SH2B1: variants seen among roughly 807,000 people sequenced by gnomAD.
SH2B1 encodes SH2B adaptor protein 1.
In SH2B1, 15 loss-of-function variants were observed where a neutral mutation model predicts 62.6. The observed-to-expected ratio is 0.24, with a 90% CI of 0.16 to 0.37. SH2B1 has a LOEUF of 0.37. Among genes scored for constraint, SH2B1 ranks in the 10% least tolerant of loss-of-function variants. SH2B1 has a pLI of 1.00. For synonymous variants in SH2B1, 443 were observed against 438.0 expected (o/e 1.01, Z -0.14); for missense variants, 925 against 1,015.6 (o/e 0.91, Z 1.21).
rs899531825 is a variant in SH2B1 at position 28,872,259 on chromosome 16, T to C, written c.1583T>C (p.Phe528Ser). The C allele has an allele frequency of 6.2e-7, 1 of 1,614,038 alleles. No individual in the cohort carries two copies. Among genetic ancestry groups the C allele is most frequent in the Non-Finnish European group, 8.5e-7 (1 of 1,179,932 alleles). ...CAGCCCCTCTCAGGGTATCCTTGGT[T>C]CCACGGGATGCTCTCTCGGCTCAAG... ...GDQPLSGYPW[F>S]HGMLSRLKAA... Residue 528 changes from phenylalanine to serine, a missense_variant, in exon 6 of 8, where the codon TTC (phenylalanine) becomes TCC (serine). Phe to Ser is a radical substitution (Grantham distance 155, BLOSUM62 -2). Coordinates refer to ENST00000684370, the MANE Select transcript of SH2B1 (RefSeq NM_001387430.1). This position sits in a 1 kb window ranked among gnomAD's most constrained non-coding sequence, Gnocchi z 5.3.
upstream of SH2B1, among the ~76,000 whole-genome samples, chr16:28,861,996 C>T (rs150962906): frequency 3.6e-3 from 553 of 152,286 alleles, 4 homozygotes; most frequent in Non-Finnish European, 5.7e-3. Flanking sequence ...GAAGGCAGAA[C>T]CAGAGATGGT....
chr16:28,865,283 A>G lies in SH2B1; in HGVS notation c.-812A>G. On this transcript the variant is annotated 5_prime_UTR_variant, in exon 1 of 8. Transcript: ENST00000684370. ...CAAAGAAGTGGGCTGTAGCTATTTC[A>G]CATCTCCTTCACGCAGTGCGTGGGT... 1 of 985,648 alleles carries G rather than the reference A, an allele frequency of 1.0e-6. No homozygotes were observed. The highest frequency in any genetic ancestry group is 1.2e-6 in the Non-Finnish European group (1 of 829,978). 61.1% of individuals were successfully genotyped at this position (985,648 alleles called of 1,614,324 possible). A position where few individuals can be genotyped will look rare whatever the true frequency, so the allele number is the denominator to read the frequency against.
At chr16:28,856,646 G>A (rs1341008493) in intron 1 of SH2B1, among the ~76,000 whole-genome samples, 1 of 152,122 alleles carries the variant, frequency 6.6e-6, no homozygotes, top group East Asian at 1.9e-4. Context: ...CCAGCGCACT[G>A]TCCTTGGTGC....
chr16:28,873,240 C>T lies in SH2B1; in HGVS notation c.1898-207C>T, dbSNP rs779652630. 5.2e-5 allele frequency: 84 copies of T among 1,607,256 alleles called. No individual in the cohort carries two copies. Among genetic ancestry groups the T allele is most frequent in the Non-Finnish European group, 6.4e-5 (76 of 1,178,564 alleles). ...GATGCCACCCCGATGCCTCCTGCAC[C>T]CTCATGCCCTTCGGAGCGAGTGACT... On this transcript the variant is annotated intron_variant, in intron 7 of 7. Coordinates refer to ENST00000684370, the MANE Select transcript of SH2B1 (RefSeq NM_001387430.1). The surrounding 1 kb of genome is among the most constrained non-coding windows in gnomAD (Gnocchi z 4.2).
rs1962574685 is a variant in SH2B1 at position 28,864,429 on chromosome 16, G to A, written c.-1666G>A. 5 of 986,784 alleles carry A rather than the reference G, an allele frequency of 5.1e-6. No homozygotes were observed. The highest frequency in any genetic ancestry group is 3.5e-5 in the African/African-American group (2 of 57,218). 61.1% of individuals were successfully genotyped at this position (986,784 alleles called of 1,614,324 possible). A position where few individuals can be genotyped will look rare whatever the true frequency, so the allele number is the denominator to read the frequency against. ...CGAGGTGGCCGCTGGCTGGAGATTG[G>A]TTTGCACTTCTTGGCTGGGTTCCCC... On this transcript the variant is annotated 5_prime_UTR_variant, in exon 1 of 8. Coordinates refer to ENST00000684370, the MANE Select transcript of SH2B1 (RefSeq NM_001387430.1).
chr16:28,852,864 T>G (rs866305903), intron 1 of SH2B1, among the ~76,000 whole-genome samples: 10 of 68,868 alleles, frequency 1.5e-4, no homozygotes, highest in East Asian at 3.3e-4. Flanking sequence ...TTATATATAT[T>G]TACATATATA....
At position 28,865,978 on chromosome 16, in the gene SH2B1, G is replaced by A; in HGVS notation, c.-117G>A. The A allele has an allele frequency of 6.7e-7, 1 of 1,489,630 alleles. No individual in the cohort carries two copies. Among genetic ancestry groups the A allele is most frequent in the Non-Finnish European group, 8.9e-7 (1 of 1,128,788 alleles). The allele number at this position is 1,489,630 out of a possible 1,614,324, so 92.3% of individuals were successfully genotyped here. On this transcript the variant is annotated 5_prime_UTR_variant, in exon 1 of 8. The change abolishes the stop of an existing upstream ORF in the 5' untranslated region. Transcript: ENST00000684370. ...CAGCCTCCGGTGCGCCCTCAGCAGTGACCCTCGTGTGTGCCTCTCTCTTCC... is the reference window on the plus strand; with the variant it reads ...CAGCCTCCGGTGCGCCCTCAGCAGTAACCCTCGTGTGTGCCTCTCTCTTCC...
Position 28,873,697 on chromosome 16 carries a change from CGCTGGGTCTGGT to C in SH2B1, c.2150_2161del (p.Ala717_Gly720del). The stretch of plus-strand genomic sequence containing the variant: ...TAGCCCCAGGCTCAGAGGCCCAGGG[CGCTGGGTCTGGT>C]GGGGACGCGGGGGTGCCCCCAATGG... On this transcript the variant is annotated inframe_deletion, in exon 8 of 8. Coordinates refer to ENST00000684370, the MANE Select transcript of SH2B1 (RefSeq NM_001387430.1). The surrounding 1 kb of genome is among the most constrained non-coding windows in gnomAD (Gnocchi z 4.2). 1 of 1,514,364 alleles carries C rather than the reference CGCTGGGTCTGGT, an allele frequency of 6.6e-7. No homozygotes were observed. Among genetic ancestry groups the C allele is most frequent in the Non-Finnish European group, 8.9e-7 (1 of 1,128,696 alleles). 93.8% of individuals were successfully genotyped at this position (1,514,364 alleles called of 1,614,324 possible).
rs1178693957 is a variant in SH2B1, at chr16:28,865,939, C to A, written c.-156C>A. 1 of 1,421,908 alleles carries A rather than the reference C, an allele frequency of 7.0e-7. No individual in the cohort carries two copies. The highest frequency in any genetic ancestry group is 9.1e-7 in the Non-Finnish European group (1 of 1,093,244). The allele number at this position is 1,421,908 out of a possible 1,614,324, so 88.1% of individuals were successfully genotyped here. A position where few individuals can be genotyped will look rare whatever the true frequency, so the allele number is the denominator to read the frequency against. ...CTGAAGTAGGGTCGGACGTCTCTGG[C>A]TGGGGGTGGGATGCAGCCTCCGGTG... On this transcript the variant is annotated 5_prime_UTR_variant, in exon 1 of 8. The change creates a new upstream start codon in the 5' untranslated region. Transcript: ENST00000684370.
chr16:28,849,498 TG>T, intron 1 of SH2B1, among the ~76,000 whole-genome samples: 1 of 151,792 alleles, frequency 6.6e-6, no homozygotes, highest in East Asian at 1.9e-4. Flanking sequence ...TTTTTGGGGG[TG>T]GTATTTGAAT....
intron 1 of SH2B1, among the ~76,000 whole-genome samples, chr16:28,855,491 G>T (rs1256490346): frequency 6.6e-6 from 1 of 152,170 alleles, no homozygotes; most frequent in Non-Finnish European, 1.5e-5. Context: ...AAATTGCTGG[G>T]AGTACAGGCA....
chr16:28,855,248 C>G (rs1212869237), intron 1 of SH2B1, among the ~76,000 whole-genome samples: 3 of 151,732 alleles, frequency 2.0e-5, no homozygotes, highest in Non-Finnish European at 1.5e-5. Flanking sequence ...GAGACAGAAT[C>G]TCACTCTATC....
chr16:28,867,419 C>T lies in SH2B1; in HGVS notation c.1028C>T (p.Thr343Met), dbSNP rs139298340. 101 of 1,613,308 alleles carry T rather than the reference C, an allele frequency of 6.3e-5. 2 individuals carry two copies. In the Admixed American group the frequency reaches 8.3e-4, roughly 13 times the overall value. The change falls in exon 2 of 8, where the codon ACG (threonine) becomes ATG (methionine). Residue 343 changes from threonine to methionine, a missense_variant. Thr to Met is a moderately conservative substitution (Grantham distance 81). Around this residue, in one of 3 missense-constraint regions of SH2B1, gnomAD observed 683 missense variants for 704.0 expected, o/e 0.97. Coordinates refer to ENST00000684370, the MANE Select transcript of SH2B1 (RefSeq NM_001387430.1). ...TALEMPDREN[T>M]FVVKVEGPSE... ...CTGGAGATGCCTGACCGGGAGAACA[C>T]GTTTGTGGTTAAGGTAGGAATTCAA... is the stretch of plus-strand genomic sequence containing the variant.
intron 4 of SH2B1, among the ~76,000 whole-genome samples, chr16:28,871,414 A>G (rs1235708912): frequency 6.6e-6 from 1 of 152,194 alleles, no homozygotes; most frequent in Non-Finnish European, 1.5e-5. Flanking sequence ...ACTTGAGTCC[A>G]GGAACTCAGG....
At position 28,866,914 on chromosome 16, in the gene SH2B1, G is replaced by T. The variant is rs748792237; in HGVS notation, c.820G>T (p.Val274Leu). The T allele has an allele frequency of 6.2e-7, 1 of 1,612,078 alleles. No homozygotes were observed. The highest frequency in any genetic ancestry group is 8.5e-7 in the Non-Finnish European group (1 of 1,179,850). ...AGCCGGAGTGGGCCGGGGAGGAGGG[G>T]TGGCTGGGCCTCCTTCAGGGGGAGG... ...DPAGVGRGGG[V>L]AGPPSGGGGQ... The change falls in exon 1 of 8, where the codon GTG (valine) becomes TTG (leucine). Residue 274 changes from valine (V) to leucine (L), a missense_variant. Physicochemically the swap from Val to Leu is conservative, Grantham distance 32 (BLOSUM62 1). Transcript: ENST00000684370. This position sits in a 1 kb window ranked among gnomAD's most constrained non-coding sequence, Gnocchi z 6.3.
intron 1 of SH2B1, among the ~76,000 whole-genome samples, chr16:28,853,294 C>A (rs1596611812): frequency 6.7e-6 from 1 of 148,318 alleles, no homozygotes. Flanking sequence ...GCAACCTCTG[C>A]CTGCCAGGTT....
chr16:28,867,052 T>C lies in SH2B1; in HGVS notation c.939+19T>C. On this transcript the variant is annotated intron_variant, in intron 1 of 7. Transcript: ENST00000684370. ...ACCCAAGGTGAGGCCCCTTGGAGGG[T>C]GGGTGACTGAGAGCAAGTGAGAGAG... The C allele has an allele frequency of 6.3e-7, 1 of 1,598,298 alleles. No homozygotes were observed. Among genetic ancestry groups the C allele is most frequent in the African/African-American group, 1.3e-5 (1 of 74,954 alleles).
rs138442693 is a variant in SH2B1 at position 28,874,201 on chromosome 16, G to A, written c.*381G>A. 6.8e-4 allele frequency: 117 copies of A among 172,752 alleles called. 1 individual carries two copies. Among genetic ancestry groups the A allele is most frequent in the East Asian group, 1.5e-4 (1 of 6,662 alleles). 10.7% of individuals were successfully genotyped at this position (172,752 alleles called of 1,614,324 possible). A position where few individuals can be genotyped will look rare whatever the true frequency, so the allele number is the denominator to read the frequency against. ...ATAAATAAATAAAAAGGTTTATCTC[G>A]GTTCTATCGTGATGGCTATGGCCAT... On this transcript the variant is annotated 3_prime_UTR_variant, in exon 8 of 8. Coordinates refer to ENST00000684370, the MANE Select transcript of SH2B1 (RefSeq NM_001387430.1).
Position 28,865,423 on chromosome 16 carries a change from G to A in SH2B1, c.-672G>A, listed in dbSNP as rs753993242. ...TTGGACCCTAAGATGCGTGAGGCAGGCTCTCTAAGGTCTAGAATCCCAGCT... is the reference window on the plus strand; with the variant it reads ...TTGGACCCTAAGATGCGTGAGGCAGACTCTCTAAGGTCTAGAATCCCAGCT... On this transcript the variant is annotated 5_prime_UTR_variant, in exon 1 of 8. Transcript: ENST00000684370. The A allele has an allele frequency of 5.8e-5, 57 of 985,448 alleles. No homozygotes were observed. Among genetic ancestry groups the A allele is most frequent in the Non-Finnish European group, 6.9e-5 (57 of 829,948 alleles). The allele number at this position is 985,448 out of a possible 1,614,324, so 61.0% of individuals were successfully genotyped here.
Sources: gnomAD v4.1 joint callset for allele counts (sites outside exome capture counted in the v4.1 genomes callset) on GRCh38, gnomAD v4.1.1 for gene constraint, gnomAD v4.1.1 regional missense constraint, Gnocchi (gnomAD v3.1) non-coding constraint, MANE v1.5 for transcripts, NCBI Gene and HGNC (gene_info 2026-07-23, HGNC 2026-07-21) for gene names.